The following PTPRD variants were observed in gnomAD, a reference collection of about 807,000 sequenced individuals.
PTPRD encodes receptor-type tyrosine-protein phosphatase delta.
Under a neutral mutation model 214.5 loss-of-function variants are expected in PTPRD, and 34 were observed. The ratio of observed to expected loss-of-function variants is 0.16; its 90% CI spans 0.12 to 0.21. The LOEUF is 0.21. Among genes scored for constraint, PTPRD ranks in the 10% least tolerant of loss-of-function variants. PTPRD has a pLI of 1.00. For synonymous variants in PTPRD, 1,128 were observed against 845.7 expected, an observed-to-expected ratio of 1.33 and a Z score of -5.79; for missense variants, 2,545 against 2,398.7, an observed-to-expected ratio of 1.06 and a Z score of -1.27.
At chr9:10,433,877 C>A (rs1024702063) in intron 2 of PTPRD, among the ~76,000 whole-genome samples, 1 of 151,630 alleles carries the variant, frequency 6.6e-6, no homozygotes, top group Non-Finnish European at 1.5e-5. Context: ...TTTAGTCTCA[C>A]AATTGATCAG....
chr9:10,578,138 G>C (rs1480492308), intron 2 of PTPRD, among the ~76,000 whole-genome samples: 2 of 151,986 alleles, frequency 1.3e-5, no homozygotes, highest in African/African-American at 4.8e-5. Context: ...TCAAACTCCT[G>C]ACCTCAGGTG....
In PTPRD at chr9:9,494,276, A is replaced by G. The variant is rs529859057; in HGVS notation, c.-237+80456T>C. 2.6e-5 allele frequency among the ~76,000 whole-genome samples: 4 copies of G among 152,386 alleles called. No homozygotes were observed. In the South Asian group the frequency reaches 8.3e-4, roughly 32 times the overall value. On this transcript the variant is annotated intron_variant, in intron 8 of 45. Coordinates refer to ENST00000381196, the MANE Select transcript of PTPRD (RefSeq NM_002839.4). The stretch of plus-strand genomic sequence containing the variant: ...TTTAGAATATTACATAAACATATTG[A>G]TAAAGCAGTGACATGATTTGAGAAA...
At chr9:10,586,018 T>C (rs934786850) in intron 2 of PTPRD, among the ~76,000 whole-genome samples, 2 of 152,062 alleles carry the variant, frequency 1.3e-5, no homozygotes, top group African/African-American at 2.4e-5. Context: ...AAATGTTGTA[T>C]GAGAAATTCA....
chr9:9,886,078 C>T (rs1490207930), intron 5 of PTPRD, among the ~76,000 whole-genome samples: 1 of 151,694 alleles, frequency 6.6e-6, no homozygotes, highest in Admixed American at 6.6e-5. Context: ...GGATAGAAAA[C>T]AGAATGAGAA....
At chr9:9,870,949 A>G (rs942155195) in intron 5 of PTPRD, among the ~76,000 whole-genome samples, 3 of 152,142 alleles carry the variant, frequency 2.0e-5, no homozygotes, top group Non-Finnish European at 4.4e-5. Context: ...AGTTGGAGAG[A>G]GAAATAAAAT....
intron 4 of PTPRD, among the ~76,000 whole-genome samples, chr9:9,995,747 C>A (rs1458850077): frequency 6.6e-6 from 1 of 152,098 alleles, no homozygotes; most frequent in East Asian, 1.9e-4. Flanking sequence ...CTTGTTGGGA[C>A]CCTGTCAGAC....
intron 9 of PTPRD, among the ~76,000 whole-genome samples, chr9:9,319,303 G>T (rs1378677388): frequency 1.3e-5 from 2 of 152,082 alleles, no homozygotes; most frequent in African/African-American, 4.8e-5. Flanking sequence ...TTTCAGCCTG[G>T]TTTCTCCATA....
intron 7 of PTPRD, among the ~76,000 whole-genome samples, chr9:9,681,371 C>A (rs1235842522): frequency 6.6e-6 from 1 of 151,658 alleles, no homozygotes; most frequent in Non-Finnish European, 1.5e-5. Context: ...GGATATCATT[C>A]TCCCTTATTT....
At chr9:9,330,244 C>T (rs1470274867) in intron 9 of PTPRD, among the ~76,000 whole-genome samples, 3 of 152,068 alleles carry the variant, frequency 2.0e-5, no homozygotes, top group Middle Eastern at 3.2e-3. Flanking sequence ...GTTGTCTTTT[C>T]CCACACCACT....
chr9:8,763,536 G>A (rs1047931137), intron 11 of PTPRD, among the ~76,000 whole-genome samples: 1 of 151,334 alleles, frequency 6.6e-6, no homozygotes, highest in African/African-American at 2.4e-5. Flanking sequence ...CAATAATTAT[G>A]TATTAATATA....
intron 11 of PTPRD, among the ~76,000 whole-genome samples, chr9:8,842,968 C>T (rs1321717211): frequency 1.3e-5 from 2 of 152,176 alleles, no homozygotes; most frequent in Non-Finnish European, 2.9e-5. Flanking sequence ...GCCCAGTCTA[C>T]ACCTGTTGAC....
chr9:8,451,079 C>T (rs2095924831), intron 33 of PTPRD, among the ~76,000 whole-genome samples: 1 of 152,148 alleles, frequency 6.6e-6, no homozygotes, highest in Non-Finnish European at 1.5e-5. Context: ...CAGAGGGCTC[C>T]TGTTAAATAG....
intron 5 of PTPRD, among the ~76,000 whole-genome samples, chr9:9,920,552 T>C (rs1303387933): frequency 6.6e-6 from 1 of 152,154 alleles, no homozygotes; most frequent in Non-Finnish European, 1.5e-5. Flanking sequence ...TCCACATTAA[T>C]CTGAACGTTT....
At chr9:10,163,844 C>A (rs1441387233) in intron 3 of PTPRD, among the ~76,000 whole-genome samples, 1 of 151,448 alleles carries the variant, frequency 6.6e-6, no homozygotes, top group East Asian at 1.9e-4. Context: ...AGACAAAAAT[C>A]TATTAACATT....
chr9:10,458,775 T>C (rs2098936582), intron 2 of PTPRD, among the ~76,000 whole-genome samples: 1 of 148,444 alleles, frequency 6.7e-6, no homozygotes. Context: ...ATACCCTTTA[T>C]GTAGAAAACG....
chr9:10,584,206 A>C (rs113465318), intron 2 of PTPRD, among the ~76,000 whole-genome samples: 2 of 152,096 alleles, frequency 1.3e-5, no homozygotes, highest in Non-Finnish European at 1.5e-5. Flanking sequence ...AAAGAAAAAA[A>C]AAGAAAGGCT....
At chr9:8,877,223 C>A (rs1218932862) in intron 11 of PTPRD, among the ~76,000 whole-genome samples, 4 of 152,146 alleles carry the variant, frequency 2.6e-5, no homozygotes, top group Non-Finnish European at 4.4e-5. Flanking sequence ...CCGCGCCCAG[C>A]CTGTTTTACG....
intron 5 of PTPRD, among the ~76,000 whole-genome samples, chr9:9,818,434 C>T (rs2049498864): frequency 6.6e-6 from 1 of 152,010 alleles, no homozygotes; most frequent in Non-Finnish European, 1.5e-5. Context: ...TATGTTTCCT[C>T]TTAATTACAG....
At chr9:9,651,232 C>T (rs765297976) in intron 7 of PTPRD, among the ~76,000 whole-genome samples, 27 of 151,960 alleles carry the variant, frequency 1.8e-4, no homozygotes, top group African/African-American at 6.5e-4. Context: ...TTTATAACAC[C>T]AATAACATCT....
Sources: gnomAD v4.1 joint callset for allele counts (sites outside exome capture counted in the v4.1 genomes callset) on GRCh38, gnomAD v4.1.1 for gene constraint, MANE v1.5 for transcripts, NCBI Gene and HGNC (gene_info 2026-07-23, HGNC 2026-07-21) for gene names.